Variants in ZIC2 observed in about 807,000 individuals in gnomAD.
ZIC2 encodes Zic family zinc finger 2.
ZIC2 carries 7 observed loss-of-function variants against 29.5 expected under a neutral mutation model. The ratio of observed to expected loss-of-function variants is 0.24; its 90% CI spans 0.14 to 0.45. The LOEUF (loss-of-function observed/expected upper bound fraction) is 0.45. Among genes scored for constraint, ZIC2 ranks in the 20% least tolerant of loss-of-function variants. The pLI is 1.00. For synonymous variants in ZIC2, 408 were observed against 354.2 expected, an observed-to-expected ratio of 1.15 and a Z score of -1.70; for missense variants, 589 against 781.2, an observed-to-expected ratio of 0.75 and a Z score of 2.93.
chr13:99,985,265 A>G lies in ZIC2; in HGVS notation c.1240-58A>G. On this transcript the variant is annotated intron_variant, in intron 2 of 2. Transcript: ENST00000376335. This position sits in a 1 kb window ranked among gnomAD's most constrained non-coding sequence, Gnocchi z 6.3. ...CTCTCCCCCAGGGGCCCGGCCCCACAGCAGCTGCACTCACACCCAGTCCCC... is the reference window on the plus strand; with the variant it reads ...CTCTCCCCCAGGGGCCCGGCCCCACGGCAGCTGCACTCACACCCAGTCCCC... 1.2e-6 allele frequency: 2 copies of G among 1,601,286 alleles called. No individual in the cohort carries two copies. The highest frequency in any genetic ancestry group is 1.7e-6 in the Non-Finnish European group (2 of 1,178,632).
rs1211898420 is a variant in ZIC2, at chr13:99,985,535, C to T, written c.1452C>T (p.Gly484=). 12 of 1,003,146 alleles carry T rather than the reference C, an allele frequency of 1.2e-5. No homozygotes were observed. Among genetic ancestry groups the T allele is most frequent in the Non-Finnish European group, 1.4e-5 (12 of 844,506 alleles). The allele number at this position is 1,003,146 out of a possible 1,614,324, so 62.1% of individuals were successfully genotyped here. A position where few individuals can be genotyped will look rare whatever the true frequency, so the allele number is the denominator to read the frequency against. ...GGGGCGGAGGCTCGGGCAGTGGCGG[C>T]GCGGGAGGCGGCTCAGGCGGCGGCA... ...VHRGGGSGSG[G]AGGGSGGGSG... The change falls in exon 3 of 3, where the codon GGC becomes GGT. Residue 484 remains glycine (G), a synonymous_variant. Coordinates refer to ENST00000376335, the MANE Select transcript of ZIC2 (RefSeq NM_007129.5). This position sits in a 1 kb window ranked among gnomAD's most constrained non-coding sequence, Gnocchi z 6.3.
In ZIC2 at chr13:99,982,345, C is replaced by T. The variant is rs1214162962; in HGVS notation, c.281C>T (p.Ala94Val). Reference protein sequence around the residue: ...AYPGSAAAAAAAAALGPHAAH... With the variant: ...AYPGSAAAAAVAAALGPHAAH... ...CCCGGCTCCGCTGCGGCTGCCGCTG[C>T]GGCCGCAGCGCTCGGGCCCCACGCC... The change falls in exon 1 of 3, where the codon GCG becomes GTG. Residue 94 changes from alanine to valine, a missense_variant. By Grantham distance (64) the Ala-to-Val change is moderately conservative. Around this residue, in one of 7 missense-constraint regions of ZIC2, gnomAD observed 358 missense variants for 382.0 expected, o/e 0.94. Transcript: ENST00000376335. 2 of 1,465,532 alleles carry T rather than the reference C, an allele frequency of 1.4e-6. No homozygotes were observed. Among genetic ancestry groups the T allele is most frequent in the Admixed American group, 2.7e-5 (1 of 36,796 alleles). The allele number at this position is 1,465,532 out of a possible 1,614,324, so 90.8% of individuals were successfully genotyped here.
At position 99,982,666 on chromosome 13, in the gene ZIC2, G is replaced by C. The variant is rs774529965; in HGVS notation, c.602G>C (p.Arg201Pro). The change falls in exon 1 of 3, where the codon CGG becomes CCG. Residue 201 changes from arginine to proline, a missense_variant. Arg to Pro is a moderately radical substitution (Grantham distance 103). Coordinates refer to ENST00000376335, the MANE Select transcript of ZIC2 (RefSeq NM_007129.5). ...SEQYRQVASP[R>P]TDPYSAAQLH... is the part of the protein sequence containing the mutation. ...CAATACCGCCAGGTGGCCAGCCCGC[G>C]GACCGACCCCTACTCGGCGGCGCAA... is the stretch of plus-strand genomic sequence containing the variant. The C allele has an allele frequency of 6.3e-7, 1 of 1,599,812 alleles. No individual in the cohort carries two copies. The highest frequency in any genetic ancestry group is 1.1e-5 in the South Asian group (1 of 91,024).
Position 99,981,797 on chromosome 13 carries a change from C to T in ZIC2, c.-268C>T, listed in dbSNP as rs766945863. The T allele has an allele frequency of 1.2e-5, 7 of 579,322 alleles. 2 individuals carry two copies. The highest frequency in any genetic ancestry group is 8.2e-5 in the South Asian group (5 of 60,740). The allele number at this position is 579,322 out of a possible 1,614,324, so 35.9% of individuals were successfully genotyped here. On this transcript the variant is annotated 5_prime_UTR_variant, in exon 1 of 3. Coordinates refer to ENST00000376335, the MANE Select transcript of ZIC2 (RefSeq NM_007129.5). ...CCGCCTGGCTTTGGACTCTTCTCCT[C>T]CTCCACCTCCTCCTCCTCCTCCCGC... is the stretch of plus-strand genomic sequence containing the variant.
intron 1 of ZIC2, 161 bp from the exon 2 acceptor site, chr13:99,984,785 A>T (rs1289222692): frequency 5.2e-6 from 4 of 764,446 alleles, no homozygotes; most frequent in Non-Finnish European, 8.8e-6. Flanking sequence ...GAAGGCGGTT[A>T]ATTTGATCTT....
intron 1 of ZIC2, 123 bp from the exon 2 acceptor site, chr13:99,984,823 G>A: frequency 8.1e-7 from 1 of 1,228,460 alleles, no homozygotes; most frequent in South Asian, 1.3e-5. Context: ...GATCGGACTG[G>A]TTTGAGGGAC....
Position 99,985,514 on chromosome 13 carries a change from C to T in ZIC2, c.1431C>T (p.Gly477=). The T allele has an allele frequency of 1.8e-6, 2 of 1,081,106 alleles. No individual in the cohort carries two copies. The highest frequency in any genetic ancestry group is 2.2e-6 in the Non-Finnish European group (2 of 898,618). 67.0% of individuals were successfully genotyped at this position (1,081,106 alleles called of 1,614,324 possible). A position where few individuals can be genotyped will look rare whatever the true frequency, so the allele number is the denominator to read the frequency against. The change falls in exon 3 of 3, where the codon GGC becomes GGT. Residue 477 remains glycine (G), a synonymous_variant. Coordinates refer to ENST00000376335, the MANE Select transcript of ZIC2 (RefSeq NM_007129.5). This position sits in a 1 kb window ranked among gnomAD's most constrained non-coding sequence, Gnocchi z 6.3. ...CCGCGGTGTCCGCGGTGCACCGGGG[C>T]GGAGGCTCGGGCAGTGGCGGCGCGG... is the stretch of plus-strand genomic sequence containing the variant. ...AAAAVSAVHR[G]GGSGSGGAGG...
At position 99,981,793 on chromosome 13, in the gene ZIC2, T is replaced by TCCTCCTCCA. The variant is rs1365815213; in HGVS notation, c.-263_-255dup. Reference sequence around the variant, plus strand: ...TTCTCCGCCTGGCTTTGGACTCTTCTCCTCCTCCACCTCCTCCTCCTCCTC... The same window carrying TCCTCCTCCA: ...TTCTCCGCCTGGCTTTGGACTCTTCTCCTCCTCCACCTCCTCCACCTCCTCCTCCTCCTC... On this transcript the variant is annotated 5_prime_UTR_variant, in exon 1 of 3. Coordinates refer to ENST00000376335, the MANE Select transcript of ZIC2 (RefSeq NM_007129.5). 8.9e-6 allele frequency: 5 copies of TCCTCCTCCA among 563,232 alleles called. No homozygotes were observed. Among genetic ancestry groups the TCCTCCTCCA allele is most frequent in the South Asian group, 5.0e-5 (3 of 60,348 alleles). The allele number at this position is 563,232 out of a possible 1,614,324, so 34.9% of individuals were successfully genotyped here. A position where few individuals can be genotyped will look rare whatever the true frequency, so the allele number is the denominator to read the frequency against.
rs1357197846 is a variant in ZIC2, at chr13:99,985,226, C to T, written c.1240-97C>T. The T allele has an allele frequency of 6.2e-7, 1 of 1,603,066 alleles. No individual in the cohort carries two copies. Among genetic ancestry groups the T allele is most frequent in the Non-Finnish European group, 8.5e-7 (1 of 1,175,462 alleles). On this transcript the variant is annotated intron_variant, in intron 2 of 2. Coordinates refer to ENST00000376335, the MANE Select transcript of ZIC2 (RefSeq NM_007129.5). This position sits in a 1 kb window ranked among gnomAD's most constrained non-coding sequence, Gnocchi z 6.3. ...CCAGGGGCCAGGGCGGCGGGGGGAA[C>T]ATTTCTGGGGGTGCTCTCCCCCAGG... is the stretch of plus-strand genomic sequence containing the variant.
Position 99,985,204 on chromosome 13 carries a change from G to A in ZIC2, c.1239+95G>A, listed in dbSNP as rs1366390441. ...CTCAGCCGGCCTGGGAGGGTCCCCA[G>A]GGGCCAGGGCGGCGGGGGGAACATT... On this transcript the variant is annotated intron_variant, in intron 2 of 2. Transcript: ENST00000376335. The surrounding 1 kb of genome is among the most constrained non-coding windows in gnomAD (Gnocchi z 6.3). 1.9e-6 allele frequency: 3 copies of A among 1,605,940 alleles called. No individual in the cohort carries two copies. The East Asian group carries it at 6.7e-5, about 36-fold the overall frequency.
In ZIC2 at chr13:99,982,240, C is replaced by A. The variant is rs1251534576; in HGVS notation, c.176C>A (p.Ala59Asp). The change falls in exon 1 of 3, where the codon GCC (alanine) becomes GAC (aspartate). Residue 59 changes from alanine to aspartate, a missense_variant. By Grantham distance (126) the Ala-to-Asp change is moderately radical. Around this residue, in one of 7 missense-constraint regions of ZIC2, gnomAD observed 358 missense variants for 382.0 expected, o/e 0.94. Coordinates refer to ENST00000376335, the MANE Select transcript of ZIC2 (RefSeq NM_007129.5). ...GACTCCGCCGCCGCGCACATGGGAGCCTTCAAGCTCAACCCGGGCGCGCAC... is the reference window on the plus strand; with the variant it reads ...GACTCCGCCGCCGCGCACATGGGAGACTTCAAGCTCAACCCGGGCGCGCAC... ...FVDSAAAHMG[A>D]FKLNPGAHEL... 41 of 1,514,412 alleles carry A rather than the reference C, an allele frequency of 2.7e-5. No homozygotes were observed. Among genetic ancestry groups the A allele is most frequent in the Non-Finnish European group, 3.4e-5 (39 of 1,138,124 alleles). 93.8% of individuals were successfully genotyped at this position (1,514,412 alleles called of 1,614,324 possible).
Position 99,985,209 on chromosome 13 carries a change from C to G in ZIC2, c.1239+100C>G. The G allele has an allele frequency of 6.2e-7, 1 of 1,604,032 alleles. No homozygotes were observed. The highest frequency in any genetic ancestry group is 8.5e-7 in the Non-Finnish European group (1 of 1,174,852). ...CCGGCCTGGGAGGGTCCCCAGGGGC[C>G]AGGGCGGCGGGGGGAACATTTCTGG... On this transcript the variant is annotated intron_variant, in intron 2 of 2. Coordinates refer to ENST00000376335, the MANE Select transcript of ZIC2 (RefSeq NM_007129.5). The surrounding 1 kb of genome is among the most constrained non-coding windows in gnomAD (Gnocchi z 6.3).
Position 99,982,685 on chromosome 13 carries a change from G to A in ZIC2, c.621G>A (p.Ala207=), listed in dbSNP as rs760800618. The A allele has an allele frequency of 6.2e-7, 1 of 1,600,436 alleles. No homozygotes were observed. The highest frequency in any genetic ancestry group is 1.7e-5 in the Admixed American group (1 of 60,000). Residue 207 remains alanine (A), a synonymous_variant, in exon 1 of 3, where the codon GCG becomes GCA. Transcript: ENST00000376335. ...VASPRTDPYS[A]AQLHNQYGPM... Reference sequence around the variant, plus strand: ...GCCCGCGGACCGACCCCTACTCGGCGGCGCAACTCCACAACCAGTACGGCC... The same window carrying A: ...GCCCGCGGACCGACCCCTACTCGGCAGCGCAACTCCACAACCAGTACGGCC...
rs1216368066 is a variant in ZIC2 at position 99,981,794 on chromosome 13, C to A, written c.-271C>A. Reference sequence around the variant, plus strand: ...TCTCCGCCTGGCTTTGGACTCTTCTCCTCCTCCACCTCCTCCTCCTCCTCC... The same window carrying A: ...TCTCCGCCTGGCTTTGGACTCTTCTACTCCTCCACCTCCTCCTCCTCCTCC... On this transcript the variant is annotated 5_prime_UTR_variant, in exon 1 of 3. Transcript: ENST00000376335. 8.9e-5 allele frequency: 49 copies of A among 553,308 alleles called. No homozygotes were observed. The African/African-American group carries it at 9.9e-4, about 11-fold the overall frequency. The allele number at this position is 553,308 out of a possible 1,614,324, so 34.3% of individuals were successfully genotyped here.
rs1291389065 is a variant in ZIC2 at position 99,985,297 on chromosome 13, C to T, written c.1240-26C>T. On this transcript the variant is annotated intron_variant, in intron 2 of 2. Coordinates refer to ENST00000376335, the MANE Select transcript of ZIC2 (RefSeq NM_007129.5). This position sits in a 1 kb window ranked among gnomAD's most constrained non-coding sequence, Gnocchi z 6.3. ...GCACTCACACCCAGTCCCCTCTGGT[C>T]CCCCCTCCCGGCTTTTGTCTTGCAG... 6.3e-6 allele frequency: 10 copies of T among 1,598,894 alleles called. No homozygotes were observed. The highest frequency in any genetic ancestry group is 7.6e-6 in the Non-Finnish European group (9 of 1,179,212).
rs912118771 is a variant in ZIC2 at position 99,985,751 on chromosome 13, G to A, written c.*69G>A. The A allele has an allele frequency of 1.1e-4, 97 of 917,646 alleles. 1 individual carries two copies. The East Asian group carries it at 5.3e-3, about 50-fold the overall frequency. 56.8% of individuals were successfully genotyped at this position (917,646 alleles called of 1,614,324 possible). On this transcript the variant is annotated 3_prime_UTR_variant, in exon 3 of 3. Coordinates refer to ENST00000376335, the MANE Select transcript of ZIC2 (RefSeq NM_007129.5). This position sits in a 1 kb window ranked among gnomAD's most constrained non-coding sequence, Gnocchi z 6.3. ...AGCAGCCCTCCCCGCAGCTAGCAGCGAGGGCACCTTGTGATCATGTTGTTA... is the reference window on the plus strand; with the variant it reads ...AGCAGCCCTCCCCGCAGCTAGCAGCAAGGGCACCTTGTGATCATGTTGTTA...
In ZIC2 at chr13:99,982,143, G is replaced by A. The variant is rs757262942; in HGVS notation, c.79G>A (p.Ala27Thr). Residue 27 changes from alanine to threonine, a missense_variant, in exon 1 of 3, where the codon GCG (alanine) becomes ACG (threonine). Physicochemically the swap from Ala to Thr is moderately conservative, Grantham distance 58. Around this residue, in one of 7 missense-constraint regions of ZIC2, gnomAD observed 358 missense variants for 382.0 expected, o/e 0.94. Coordinates refer to ENST00000376335, the MANE Select transcript of ZIC2 (RefSeq NM_007129.5). ...GCGCCACCATCACCACTCCGCCGCGGCGGCGGCGGCGGCTGCCGCCGAGAT... is the reference window on the plus strand; with the variant it reads ...GCGCCACCATCACCACTCCGCCGCGACGGCGGCGGCGGCTGCCGCCGAGAT... ...FARHHHHSAAAAAAAAAEMQD... is the reference protein window; with the variant it reads ...FARHHHHSAATAAAAAAEMQD... 1 of 1,331,916 alleles carries A rather than the reference G, an allele frequency of 7.5e-7. No individual in the cohort carries two copies. Among genetic ancestry groups the A allele is most frequent in the Middle Eastern group, 2.3e-4 (1 of 4,380 alleles). The allele number at this position is 1,331,916 out of a possible 1,614,324, so 82.5% of individuals were successfully genotyped here.
rs1259404175 is a variant in ZIC2 at position 99,985,185 on chromosome 13, C to G, written c.1239+76C>G. The stretch of plus-strand genomic sequence containing the variant: ...CAGCACTGGCCCGGACCACCTCAGC[C>G]GGCCTGGGAGGGTCCCCAGGGGCCA... On this transcript the variant is annotated intron_variant, in intron 2 of 2. Transcript: ENST00000376335. This position sits in a 1 kb window ranked among gnomAD's most constrained non-coding sequence, Gnocchi z 6.3. 8 of 1,609,776 alleles carry G rather than the reference C, an allele frequency of 5.0e-6. No homozygotes were observed. Among genetic ancestry groups the G allele is most frequent in the Non-Finnish European group, 5.9e-6 (7 of 1,177,710 alleles).
intron 1 of ZIC2, 33 bp from the exon 2 acceptor site, chr13:99,984,913 T>C: frequency 6.2e-7 from 1 of 1,613,734 alleles, no homozygotes; most frequent in Non-Finnish European, 8.5e-7. Context: ...GCTCTGGGTG[T>C]CTGCAGCCAG....
Sources: gnomAD v4.1 joint callset for allele counts on GRCh38, gnomAD v4.1.1 for gene constraint, gnomAD v4.1.1 regional missense constraint, Gnocchi (gnomAD v3.1) non-coding constraint, MANE v1.5 for transcripts, NCBI Gene and HGNC (gene_info 2026-07-23, HGNC 2026-07-21) for gene names.